CSMD1: variants seen among roughly 807,000 people sequenced by gnomAD.
CSMD1 encodes CUB and Sushi multiple domains 1.
Under a neutral mutation model 417.5 loss-of-function variants are expected in CSMD1, and 213 were observed. The ratio of observed to expected loss-of-function variants is 0.51; its 90% CI spans 0.46 to 0.57. The LOEUF (loss-of-function observed/expected upper bound fraction) is 0.57. Ranked by LOEUF, CSMD1 falls within the 20% of genes least tolerant of loss-of-function variation. The probability of loss-of-function intolerance (pLI) is 0.00; values close to 1 mark genes in which losing one functional copy is unlikely to be tolerated. For missense variants in CSMD1, 6,923 were observed against 4,529.7 expected (o/e 1.53, Z -15.17); for synonymous variants, 2,862 against 1,736.8 (o/e 1.65, Z -16.11).
intron 3 of CSMD1, among the ~76,000 whole-genome samples, chr8:4,045,566 G>A (rs946608074): frequency 6.6e-6 from 1 of 152,170 alleles, no homozygotes; most frequent in Non-Finnish European, 1.5e-5. Flanking sequence ...GAAAGAGGAT[G>A]TGCAATGCTT....
chr8:4,372,897 G>A (rs1255847480), intron 3 of CSMD1, among the ~76,000 whole-genome samples: 3 of 152,158 alleles, frequency 2.0e-5, no homozygotes, highest in Non-Finnish European at 4.4e-5. Context: ...AGAAGGCAAA[G>A]TGTAACTCCC....
intron 7 of CSMD1, among the ~76,000 whole-genome samples, chr8:3,661,938 G>A (rs2117457905): frequency 6.6e-6 from 1 of 152,306 alleles, no homozygotes; most frequent in East Asian, 1.9e-4. Flanking sequence ...GAGTAAGATT[G>A]AGGGAAGAGA....
At position 4,032,089 on chromosome 8, in the gene CSMD1, G is replaced by C. The variant is rs773355949; in HGVS notation, c.426C>G (p.Ser142Arg). 4 of 1,610,162 alleles carry C rather than the reference G, an allele frequency of 2.5e-6. No individual in the cohort carries two copies. The highest frequency in any genetic ancestry group is 3.4e-6 in the Non-Finnish European group (4 of 1,177,244). Reference sequence around the variant, plus strand: ...TTTCTCCAGGATTTCCACAAGTGTGGCTAGGTAAAACTATTGGAAAAAGAA... The same window carrying C: ...TTTCTCCAGGATTTCCACAAGTGTGCCTAGGTAAAACTATTGGAAAAAGAA... ...GFKALYEVLP[S>R]HTCGNPGEIL... The change falls in exon 4 of 70, where the codon AGC (serine) becomes AGG (arginine). Residue 142 changes from serine to arginine, a missense_variant. Coordinates refer to ENST00000635120, the MANE Select transcript of CSMD1 (RefSeq NM_033225.6).
At chr8:4,150,440 C>A (rs1796512199) in intron 3 of CSMD1, among the ~76,000 whole-genome samples, 2 of 152,202 alleles carry the variant, frequency 1.3e-5, no homozygotes, top group African/African-American at 4.8e-5. Context: ...TTGACAACTT[C>A]AGTGCCTTTT....
intron 3 of CSMD1, among the ~76,000 whole-genome samples, chr8:4,051,627 G>A (rs974922602): frequency 1.3e-4 from 20 of 152,170 alleles, no homozygotes; most frequent in Admixed American, 6.5e-4. Flanking sequence ...GTTTCTGTGG[G>A]GCCCTAGAAA....
chr8:3,138,077 T>G (rs1052444988), intron 41 of CSMD1, among the ~76,000 whole-genome samples: 6 of 151,708 alleles, frequency 4.0e-5, no homozygotes, highest in African/African-American at 7.3e-5. Flanking sequence ...AATAAAAAAA[T>G]TAGCCAGGCA....
intron 3 of CSMD1, among the ~76,000 whole-genome samples, chr8:4,415,903 G>A (rs1408473701): frequency 6.6e-6 from 1 of 152,196 alleles, no homozygotes; most frequent in Non-Finnish European, 1.5e-5. Flanking sequence ...TGCAACTTCT[G>A]TAGATGTACA....
chr8:4,003,438 A>G (rs905727490), intron 4 of CSMD1, among the ~76,000 whole-genome samples: 29 of 152,024 alleles, frequency 1.9e-4, no homozygotes, highest in African/African-American at 7.0e-4. Flanking sequence ...AAATAAATAA[A>G]TAGATAAGTA....
At chr8:4,133,537 C>T (rs914643590) in intron 3 of CSMD1, among the ~76,000 whole-genome samples, 1 of 152,190 alleles carries the variant, frequency 6.6e-6, no homozygotes, top group Non-Finnish European at 1.5e-5. Context: ...TCCTTCTCCT[C>T]CTCATGGTAT....
intron 1 of CSMD1, among the ~76,000 whole-genome samples, chr8:4,765,835 G>T (rs559755163): frequency 1.3e-5 from 2 of 152,280 alleles, no homozygotes; most frequent in South Asian, 4.1e-4. Flanking sequence ...TAGTTAGAGA[G>T]AGCTTAGTAA....
intron 1 of CSMD1, among the ~76,000 whole-genome samples, chr8:4,666,976 C>T (rs1348104694): frequency 6.6e-6 from 1 of 151,730 alleles, no homozygotes; most frequent in Non-Finnish European, 1.5e-5. Flanking sequence ...AATTTTTATT[C>T]CTTTAGTTTA....
chr8:3,379,691 C>G (rs1810515280), intron 18 of CSMD1, among the ~76,000 whole-genome samples: 1 of 152,094 alleles, frequency 6.6e-6, no homozygotes, highest in South Asian at 2.1e-4. Context: ...AACTGGCTAG[C>G]CATATGCAGA....
At chr8:3,001,125 C>G (rs1156302352) in intron 52 of CSMD1, among the ~76,000 whole-genome samples, 3 of 151,944 alleles carry the variant, frequency 2.0e-5, no homozygotes, top group African/African-American at 7.3e-5. Context: ...GACTACGCCA[C>G]CATGGTACAT....
intron 2 of CSMD1, among the ~76,000 whole-genome samples, chr8:4,586,307 G>C (rs1799696945): frequency 6.6e-6 from 1 of 152,124 alleles, no homozygotes; most frequent in Non-Finnish European, 1.5e-5. Context: ...TTTTTCCCCA[G>C]GCAATTCCCA....
At chr8:3,281,469 G>A (rs1802733175) in intron 26 of CSMD1, among the ~76,000 whole-genome samples, 1 of 152,042 alleles carries the variant, frequency 6.6e-6, no homozygotes, top group South Asian at 2.1e-4. Flanking sequence ...TAAATAAACT[G>A]TGGTACAACA....
intron 3 of CSMD1, among the ~76,000 whole-genome samples, chr8:4,042,354 G>T (rs1300179504): frequency 6.6e-6 from 1 of 152,096 alleles, no homozygotes; most frequent in Admixed American, 6.6e-5. Flanking sequence ...TGCCTCTTCA[G>T]AAAGAATGAA....
intron 4 of CSMD1, among the ~76,000 whole-genome samples, chr8:4,029,104 G>A (rs943763223): frequency 6.6e-6 from 1 of 152,078 alleles, no homozygotes; most frequent in Admixed American, 6.5e-5. Flanking sequence ...AAATGGTCAA[G>A]GAGTGTTTGT....
intron 2 of CSMD1, among the ~76,000 whole-genome samples, chr8:4,433,479 A>G (rs1438775494): frequency 6.6e-6 from 1 of 152,186 alleles, no homozygotes; most frequent in Non-Finnish European, 1.5e-5. Flanking sequence ...GGCTATCTGC[A>G]AGCGCGGCCA....
At chr8:3,341,736 G>A (rs184782884) in intron 23 of CSMD1, among the ~76,000 whole-genome samples, 8 of 152,266 alleles carry the variant, frequency 5.3e-5, no homozygotes, top group East Asian at 1.9e-4. Flanking sequence ...GAAGAACGCC[G>A]TAGGTGTGCA....
Sources: allele counts gnomAD v4.1 joint callset (sites outside exome capture counted in the v4.1 genomes callset), GRCh38; gene constraint gnomAD v4.1.1; transcripts MANE v1.5; gene names NCBI Gene and HGNC (gene_info 2026-07-23, HGNC 2026-07-21).